Variants in LYPD5 observed in about 807,000 individuals in gnomAD.
The protein encoded by LYPD5 is LY6/PLAUR domain containing 5.
In LYPD5, 21 loss-of-function variants were observed where a neutral mutation model predicts 19.1. The ratio of observed to expected loss-of-function variants is 1.10; its 90% CI spans 0.78 to 1.58. The LOEUF is 1.58. Ranked by LOEUF, LYPD5 falls within the 40% of genes most tolerant of loss-of-function variation. The probability of loss-of-function intolerance (pLI) is 0.00; values close to 1 mark genes in which losing one functional copy is unlikely to be tolerated. For synonymous variants in LYPD5, 128 were observed against 142.7 expected, an observed-to-expected ratio of 0.90 and a Z score of 0.74; for missense variants, 287 against 329.8, an observed-to-expected ratio of 0.87 and a Z score of 1.00.
chr19:43,802,788 C>A (rs183419464), upstream of LYPD5, among the ~76,000 whole-genome samples: 2 of 152,212 alleles, frequency 1.3e-5, no homozygotes, highest in Admixed American at 6.5e-5. Context: ...CCCAAAGACA[C>A]GTTCATCGTC....
At chr19:43,813,573 C>G (rs1462989206) in intron 1 of LYPD5, among the ~76,000 whole-genome samples, 1 of 152,220 alleles carries the variant, frequency 6.6e-6, no homozygotes, top group Non-Finnish European at 1.5e-5. Flanking sequence ...TTCATGAGAC[C>G]ATTGAACCAG....
upstream of LYPD5, among the ~76,000 whole-genome samples, chr19:43,806,013 C>CT (rs1442413469): frequency 6.6e-6 from 1 of 152,192 alleles, no homozygotes; most frequent in Admixed American, 6.5e-5. Flanking sequence ...CCCACACCCC[C>CT]TGGCAAGCAT....
chr19:43,803,468 A>G (rs985929143), upstream of LYPD5, among the ~76,000 whole-genome samples: 1 of 152,182 alleles, frequency 6.6e-6, no homozygotes, highest in Non-Finnish European at 1.5e-5. Context: ...GCTAGTGGAT[A>G]CTAGCCACAG....
At chr19:43,804,882 G>A (rs1970257689), upstream of LYPD5, among the ~76,000 whole-genome samples, 1 of 152,160 alleles carries the variant, frequency 6.6e-6, no homozygotes, top group South Asian at 2.1e-4. Flanking sequence ...TCAGTTTCAG[G>A]GATTGAGGCT....
Position 43,802,337 on chromosome 19 carries a change from C to T in LYPD5, c.44G>A (p.Gly15Glu). The change falls in exon 1 of 5, where the codon GGG (glycine) becomes GAG (glutamate). Residue 15 changes from glycine (G) to glutamate (E), a missense_variant. Transcript: ENST00000377950. ...VPRVILLCLF[G>E]AALCLTGSQA... Reference sequence around the variant, plus strand: ...CGTACCTGTCAGGCAGAGCGCAGCCCCAAAGAGGCAGAGCAGAATGACTCT... The same window carrying T: ...CGTACCTGTCAGGCAGAGCGCAGCCTCAAAGAGGCAGAGCAGAATGACTCT... 1 of 1,551,686 alleles carries T rather than the reference C, an allele frequency of 6.4e-7. No individual in the cohort carries two copies. Among genetic ancestry groups the T allele is most frequent in the Non-Finnish European group, 8.7e-7 (1 of 1,146,980 alleles).
At chr19:43,814,840 G>A (rs1001433376) in intron 1 of LYPD5, among the ~76,000 whole-genome samples, 4 of 152,078 alleles carry the variant, frequency 2.6e-5, no homozygotes, top group African/African-American at 2.4e-5. Flanking sequence ...TGCCCAAATC[G>A]CACTATGACT....
In LYPD5 at chr19:43,797,259, C is replaced by G; in HGVS notation, c.*332G>C. The G allele has an allele frequency of 3.4e-6, 1 of 294,048 alleles. No homozygotes were observed. Among genetic ancestry groups the G allele is most frequent in the Non-Finnish European group, 6.4e-6 (1 of 157,358 alleles). 18.2% of individuals were successfully genotyped at this position (294,048 alleles called of 1,614,324 possible). Reference sequence around the variant, plus strand: ...ATTGTATAGCTCCCTCCTAGAGCTGCGACAGGCTCTGGAGGGAGAGCACAG... The same window carrying G: ...ATTGTATAGCTCCCTCCTAGAGCTGGGACAGGCTCTGGAGGGAGAGCACAG... On this transcript the variant is annotated 3_prime_UTR_variant, in exon 5 of 5. Coordinates refer to ENST00000377950, the MANE Select transcript of LYPD5 (RefSeq NM_001031749.3).
exon 1 of LYPD5, chr19:43,820,546 T>G (rs1417194727): frequency 7.0e-6 from 1 of 143,612 alleles, no homozygotes; most frequent in Non-Finnish European, 1.5e-5. Flanking sequence ...TTACCCGCAC[T>G]GCCGACTGGG....
intron 1 of LYPD5, among the ~76,000 whole-genome samples, chr19:43,819,955 T>C (rs908704549): frequency 3.3e-5 from 5 of 150,364 alleles, no homozygotes; most frequent in Admixed American, 2.0e-4. Flanking sequence ...AACTTCTGGG[T>C]CCTAAAAACT....
intron 1 of LYPD5, among the ~76,000 whole-genome samples, chr19:43,820,316 G>A (rs527799665): frequency 1.3e-5 from 2 of 152,176 alleles, no homozygotes; most frequent in Non-Finnish European, 2.9e-5. Flanking sequence ...CAGACGCAAC[G>A]TCACCATTCG....
Position 43,796,099 on chromosome 19 carries a change from T to C in LYPD5, c.*1492A>G, listed in dbSNP as rs1970124753. The C allele has an allele frequency of 6.6e-6, 1 of 152,152 alleles. No individual in the cohort carries two copies. 9.4% of individuals were successfully genotyped at this position (152,152 alleles called of 1,614,324 possible). On this transcript the variant is annotated 3_prime_UTR_variant, in exon 5 of 5. Coordinates refer to ENST00000377950, the MANE Select transcript of LYPD5 (RefSeq NM_001031749.3). ...CAAGGCAGCTCTCCAGGGCCTCTTT[T>C]ATAAGGGCACTAATCCTATTCATGG...
intron 2 of LYPD5, among the ~76,000 whole-genome samples, chr19:43,799,393 G>A (rs933357676): frequency 4.6e-5 from 7 of 152,000 alleles, no homozygotes; most frequent in Non-Finnish European, 1.0e-4. Flanking sequence ...ACAGGTGCCC[G>A]CCACCACGCC....
At position 43,807,970 on chromosome 19, in the gene LYPD5, AT is replaced by A. The variant is rs150257053; in HGVS notation, c.-65-8137del. ...GTGTATTTTTCTCCATCTCCAGTGT[AT>A]TTTTTCCACCTCTTTGAAATAAACA... On this transcript the variant is annotated intron_variant, in intron 1 of 4. Coordinates refer to the LYPD5 transcript ENST00000414615. 9.5e-3 allele frequency among the ~76,000 whole-genome samples: 1,451 copies of A among 152,250 alleles called. 33 individuals are homozygous for A. Among genetic ancestry groups the A allele is most frequent in the African/African-American group, 0.033 (1,390 of 41,554 alleles).
At chr19:43,807,525 C>T (rs1446253964) in intron 1 of LYPD5, among the ~76,000 whole-genome samples, 1 of 152,088 alleles carries the variant, frequency 6.6e-6, no homozygotes, top group Non-Finnish European at 1.5e-5. Flanking sequence ...CTCAGGTGAT[C>T]CGCCTGCCTC....
At chr19:43,806,593 G>A (rs958317679), upstream of LYPD5, among the ~76,000 whole-genome samples, 8 of 152,110 alleles carry the variant, frequency 5.3e-5, no homozygotes, top group African/African-American at 1.7e-4. Context: ...CACGGAAGGC[G>A]GAGCTTGTGG....
intron 1 of LYPD5, among the ~76,000 whole-genome samples, chr19:43,814,610 A>C (rs1411834380): frequency 6.6e-6 from 1 of 152,194 alleles, no homozygotes; most frequent in African/African-American, 2.4e-5. Flanking sequence ...GTAATATGAT[A>C]ATTTAGGTTC....
upstream of LYPD5, chr19:43,802,543 A>ATTT: frequency 2.3e-6 from 1 of 426,430 alleles, no homozygotes; most frequent in South Asian, 2.8e-5. Context: ...CGTGATGGAA[A>ATTT]CAGGGTGATC....
At chr19:43,798,240 CCTCCCTCAGACCAGGGCCAAATCTT>C (rs1203203549) in intron 4 of LYPD5, among the ~76,000 whole-genome samples, 190 bp downstream of exon 4, 9,128 of 142,438 alleles carry the variant, frequency 0.064, 340 homozygotes, top group East Asian at 0.17. Context: ...GGTCATGCCT[CCTCCCTCAGACCAGGGCCAAATCTT>C]CTCCCTCAGA....
intron 1 of LYPD5, among the ~76,000 whole-genome samples, chr19:43,808,341 A>G (rs1211551592): frequency 3.3e-5 from 5 of 152,122 alleles, no homozygotes; most frequent in Admixed American, 2.0e-4. Flanking sequence ...CCTGACCCCA[A>G]CTGATCCACT....
Sources: gnomAD v4.1 joint callset for allele counts (sites outside exome capture counted in the v4.1 genomes callset) on GRCh38, gnomAD v4.1.1 for gene constraint, MANE v1.5 for transcripts, NCBI Gene and HGNC (gene_info 2026-07-23, HGNC 2026-07-21) for gene names.